Variants in RPSA2 observed in about 807,000 individuals in gnomAD.
The protein encoded by RPSA2 is ribosomal protein SA 2.
At chr19:23,788,258 C>T in the RPSA2 span, among the ~76,000 whole-genome samples, 1 of 151,822 alleles carries the variant, frequency 6.6e-6, no homozygotes, top group Non-Finnish European at 1.5e-5. Flanking sequence ...GTATCTGACT[C>T]TCATTTTCTT....
the RPSA2 span, chr19:23,782,102 T>C: frequency 6.6e-6 from 1 of 152,480 alleles, no homozygotes; most frequent in African/African-American, 2.4e-5. Context: ...CATTGCTGAG[T>C]CCAACACCCA....
chr19:23,787,290 G>T, the RPSA2 span, among the ~76,000 whole-genome samples: 1 of 152,108 alleles, frequency 6.6e-6, no homozygotes, highest in Non-Finnish European at 1.5e-5. Context: ...CCTGGGCCTT[G>T]CCTATAGGCG....
At chr19:23,779,572 C>T in the RPSA2 span, among the ~76,000 whole-genome samples, 1 of 152,196 alleles carries the variant, frequency 6.6e-6, no homozygotes, top group African/African-American at 2.4e-5. Flanking sequence ...TCCCTGAACC[C>T]TGTCAGAAGG....
chr19:23,838,499 C>G, the RPSA2 span, among the ~76,000 whole-genome samples: 1 of 151,888 alleles, frequency 6.6e-6, no homozygotes, highest in Non-Finnish European at 1.5e-5. Context: ...TTTGGTACCA[C>G]TTCTTTGAAT....
At chr19:23,787,805 C>T in the RPSA2 span, among the ~76,000 whole-genome samples, 5 of 152,102 alleles carry the variant, frequency 3.3e-5, no homozygotes, top group Non-Finnish European at 4.4e-5. Flanking sequence ...GAACTAAGTA[C>T]CAAAGCGATA....
chr19:23,773,918 C>T, the RPSA2 span, among the ~76,000 whole-genome samples: 1 of 152,148 alleles, frequency 6.6e-6, no homozygotes, highest in Non-Finnish European at 1.5e-5. Flanking sequence ...AAAACCAGAA[C>T]ATGTGTGGGA....
At chr19:23,773,501 C>G in the RPSA2 span, among the ~76,000 whole-genome samples, 1 of 152,082 alleles carries the variant, frequency 6.6e-6, no homozygotes, top group African/African-American at 2.4e-5. Context: ...CCAGGATGGT[C>G]TCGATCTCCT....
the RPSA2 span, among the ~76,000 whole-genome samples, chr19:23,758,568 G>A: frequency 2.0e-4 from 30 of 152,330 alleles, no homozygotes; most frequent in African/African-American, 7.2e-4. Context: ...TGAGCAGGGA[G>A]GAGAAAGGAC....
chr19:23,868,684 GGAA>G, the RPSA2 span, among the ~76,000 whole-genome samples: 2 of 152,206 alleles, frequency 1.3e-5, no homozygotes, highest in South Asian at 2.1e-4. Context: ...GGAAATCCCT[GGAA>G]GAAGGACAAT....
the RPSA2 span, among the ~76,000 whole-genome samples, chr19:23,870,574 C>T: frequency 1.3e-5 from 2 of 152,170 alleles, no homozygotes; most frequent in Non-Finnish European, 2.9e-5. Flanking sequence ...TTTCAGCCTT[C>T]TTTAGAAGCC....
the RPSA2 span, among the ~76,000 whole-genome samples, chr19:23,831,128 GACTCAA>G: frequency 5.3e-5 from 8 of 151,942 alleles, no homozygotes; most frequent in African/African-American, 1.9e-4. Context: ...GGTCTCAGCT[GACTCAA>G]ACTCTCATTT....
At chr19:23,854,308 A>G in the RPSA2 span, among the ~76,000 whole-genome samples, 3 of 152,186 alleles carry the variant, frequency 2.0e-5, no homozygotes, top group African/African-American at 7.2e-5. Context: ...TTACAGGCAA[A>G]GAATTAGGTA....
the RPSA2 span, among the ~76,000 whole-genome samples, chr19:23,768,044 C>T: frequency 5.3e-5 from 8 of 151,982 alleles, no homozygotes; most frequent in East Asian, 5.8e-4. Context: ...GGATTACAAG[C>T]GTGAGCCACC....
chr19:23,860,347 C>A, the RPSA2 span, among the ~76,000 whole-genome samples: 2 of 152,210 alleles, frequency 1.3e-5, no homozygotes, highest in African/African-American at 4.8e-5. Flanking sequence ...AAATCCTGTA[C>A]TTAAACTGCT....
At chr19:23,825,180 A>C in the RPSA2 span, among the ~76,000 whole-genome samples, 1 of 152,044 alleles carries the variant, frequency 6.6e-6, no homozygotes, top group Non-Finnish European at 1.5e-5. Context: ...GGGTTTCACC[A>C]TGTTAGCCAG....
the RPSA2 span, among the ~76,000 whole-genome samples, chr19:23,851,844 A>T: frequency 3.3e-5 from 5 of 152,216 alleles, no homozygotes; most frequent in Non-Finnish European, 4.4e-5. Flanking sequence ...TTGGAAAATG[A>T]TTGTCAATAA....
the RPSA2 span, among the ~76,000 whole-genome samples, chr19:23,862,788 A>T: frequency 1.3e-5 from 2 of 151,810 alleles, no homozygotes; most frequent in African/African-American, 2.4e-5. Flanking sequence ...CTGGGGACAA[A>T]CTTAACAGTT....
chr19:23,870,391 A>C, the RPSA2 span, among the ~76,000 whole-genome samples: 148,919 of 152,246 alleles, frequency 0.98, 72,927 homozygotes, highest in Middle Eastern at 1. Context: ...GTTGCAACAG[A>C]AATTGCACTG....
chr19:23,867,257 G>A, the RPSA2 span, among the ~76,000 whole-genome samples: 16 of 152,312 alleles, frequency 1.1e-4, no homozygotes, highest in East Asian at 2.3e-3. Flanking sequence ...CATCCCTAGT[G>A]GGAGTAGGAG....
Sources: allele counts gnomAD v4.1 joint callset (sites outside exome capture counted in the v4.1 genomes callset), GRCh38; gene constraint gnomAD v4.1.1; transcripts MANE v1.5; gene names NCBI Gene and HGNC (gene_info 2026-07-23, HGNC 2026-07-21).